MORC1: variants seen among roughly 807,000 people sequenced by gnomAD.
The protein encoded by MORC1 is MORC family CW-type zinc finger 1.
Under a neutral mutation model 134.9 loss-of-function variants are expected in MORC1, and 59 were observed. The ratio of observed to expected loss-of-function variants is 0.44; its 90% confidence interval spans 0.35 to 0.54. The LOEUF is 0.54. MORC1 is among the 20% of genes least tolerant of loss of function. The pLI, the probability that MORC1 is intolerant of heterozygous loss-of-function variation, is 0.00. For missense variants in MORC1, 947 were observed against 1,134.5 expected, an observed-to-expected ratio of 0.83 and a Z score of 2.37; for synonymous variants, 395 against 391.7, an observed-to-expected ratio of 1.01 and a Z score of -0.10.
intron 24 of MORC1, among the ~76,000 whole-genome samples, chr3:108,973,986 TTTGA>T (rs964995175): frequency 4.6e-5 from 7 of 152,254 alleles, no homozygotes; most frequent in African/African-American, 1.7e-4. Flanking sequence ...ATGGAAACTC[TTTGA>T]TTGAGGAATT....
intron 24 of MORC1, among the ~76,000 whole-genome samples, chr3:108,977,847 A>T (rs1409155846): frequency 6.6e-6 from 1 of 152,194 alleles, no homozygotes; most frequent in Non-Finnish European, 1.5e-5. Context: ...AAGCTACAGC[A>T]GTATAATACT....
At chr3:109,051,009 TC>T (rs1949810435) in intron 14 of MORC1, among the ~76,000 whole-genome samples, 1 of 152,202 alleles carries the variant, frequency 6.6e-6, no homozygotes, top group African/African-American at 2.4e-5. Context: ...CATTTGTTTC[TC>T]CCCACTTTTT....
At chr3:109,057,600 T>C (rs1250164786) in intron 12 of MORC1, 114 bp from the exon 13 acceptor site, 3 of 998,694 alleles carry the variant, frequency 3.0e-6, no homozygotes, top group Middle Eastern at 3.3e-4. Flanking sequence ...TATCCAAATA[T>C]TTTGCAAAAC....
Position 109,084,545 on chromosome 3 carries a change from G to A in MORC1, c.689+8891C>T, listed in dbSNP as rs913647039. ...TGGAGATATTCCTCACTCATGAATT[G>A]GAAGAATTAATGTTGTTAAATATTA... On this transcript the variant is annotated intron_variant, in intron 8 of 27. Transcript: ENST00000232603. Among the ~76,000 whole-genome samples the A allele has an allele frequency of 2.1e-4, 32 of 151,966 alleles. 1 individual carries two copies. The highest frequency in any genetic ancestry group is 7.4e-5 in the Non-Finnish European group (5 of 67,958).
At chr3:109,016,950 CCT>C (rs962583412) in intron 17 of MORC1, among the ~76,000 whole-genome samples, 3 of 152,170 alleles carry the variant, frequency 2.0e-5, no homozygotes, top group African/African-American at 7.2e-5. Context: ...CTGGCTTTTT[CCT>C]CTTACTCCAG....
At chr3:108,976,740 T>A (rs958997973) in intron 24 of MORC1, among the ~76,000 whole-genome samples, 43 of 152,312 alleles carry the variant, frequency 2.8e-4, no homozygotes, top group African/African-American at 9.4e-4. Flanking sequence ...TATTAACGCA[T>A]TCAGCTTTCA....
chr3:109,099,185 G>A (rs1308744445), intron 6 of MORC1, among the ~76,000 whole-genome samples, 173 bp downstream of exon 6: 1 of 152,158 alleles, frequency 6.6e-6, no homozygotes, highest in Non-Finnish European at 1.5e-5. Flanking sequence ...GGGTCAAGAG[G>A]ACAGGTCTTT....
Position 109,112,089 on chromosome 3 carries a change from T to C in MORC1, c.120-1306A>G, listed in dbSNP as rs138217590. Among the ~76,000 whole-genome samples, 283 of 152,358 alleles carry C rather than the reference T, an allele frequency of 1.9e-3. 3 individuals are homozygous for C. The highest frequency in any genetic ancestry group is 6.0e-3 in the African/African-American group (251 of 41,592). ...ATGTACACAATAAATGTTTAATAAA[T>C]GCCACTGTACTGAAATGTAAGTTTT... is the stretch of plus-strand genomic sequence containing the variant. On this transcript the variant is annotated intron_variant, in intron 2 of 27. Coordinates refer to ENST00000232603, the MANE Select transcript of MORC1 (RefSeq NM_014429.4).
chr3:108,959,973 C>A (rs1348226775), intron 27 of MORC1, among the ~76,000 whole-genome samples: 2 of 152,050 alleles, frequency 1.3e-5, no homozygotes, highest in East Asian at 3.9e-4. Context: ...GGGACAATGT[C>A]CCCAATGGAG....
rs767854087 is a variant in MORC1, at chr3:109,004,801, A to G, written c.2085+16T>C. ...ATATTTCTCCCTTAAATACAAATTT[A>G]AAAGCCTTTTCCCACCTGGGCATTC... On this transcript the variant is annotated intron_variant, in intron 20 of 27. Transcript: ENST00000232603. The G allele has an allele frequency of 6.2e-7, 1 of 1,609,486 alleles. No homozygotes were observed. The highest frequency in any genetic ancestry group is 1.1e-5 in the South Asian group (1 of 90,326).
intron 17 of MORC1, among the ~76,000 whole-genome samples, chr3:109,015,090 G>A (rs1948785859): frequency 6.6e-6 from 1 of 152,094 alleles, no homozygotes; most frequent in Non-Finnish European, 1.5e-5. Flanking sequence ...GTTTCACCAT[G>A]TTAGCCAGGT....
At chr3:109,082,090 C>G (rs1950531625) in intron 8 of MORC1, among the ~76,000 whole-genome samples, 2 of 152,206 alleles carry the variant, frequency 1.3e-5, no homozygotes, top group South Asian at 4.1e-4. Flanking sequence ...CCCTTGGGCA[C>G]AAACCCCCAG....
At chr3:108,998,437 C>T (rs1175402597) in intron 21 of MORC1, among the ~76,000 whole-genome samples, 2 of 152,120 alleles carry the variant, frequency 1.3e-5, no homozygotes, top group African/African-American at 4.8e-5. Flanking sequence ...ATAATAAATA[C>T]CACCTTTGGG....
intron 8 of MORC1, among the ~76,000 whole-genome samples, chr3:109,071,537 T>G (rs1576710052): frequency 6.6e-6 from 1 of 152,128 alleles, no homozygotes; most frequent in East Asian, 1.9e-4. Flanking sequence ...GACATCACAG[T>G]GCTGCAGTGA....
chr3:109,035,199 T>C, intron 15 of MORC1, 141 bp downstream of exon 15: 1 of 696,194 alleles, frequency 1.4e-6, no homozygotes, highest in Non-Finnish European at 2.3e-6. Context: ...TTTTCACACT[T>C]ATAACTTTCT....
chr3:109,031,835 T>A (rs1332152185), intron 16 of MORC1, among the ~76,000 whole-genome samples: 1 of 152,102 alleles, frequency 6.6e-6, no homozygotes, highest in African/African-American at 2.4e-5. Flanking sequence ...GACAAGTTTT[T>A]ATTTGGGAAA....
chr3:109,037,079 C>A (rs1949397051), intron 14 of MORC1, among the ~76,000 whole-genome samples: 1 of 152,190 alleles, frequency 6.6e-6, no homozygotes, highest in African/African-American at 2.4e-5. Context: ...TGCATTCTTA[C>A]AATTCACTGA....
intron 8 of MORC1, among the ~76,000 whole-genome samples, chr3:109,070,864 C>T (rs1341665841): frequency 4.6e-5 from 7 of 152,068 alleles, no homozygotes; most frequent in Admixed American, 4.6e-4. Context: ...ATTAAAAAGT[C>T]AGGAATTCAT....
chr3:109,098,400 C>T (rs1950866702), intron 6 of MORC1, among the ~76,000 whole-genome samples: 1 of 152,144 alleles, frequency 6.6e-6, no homozygotes, highest in Non-Finnish European at 1.5e-5. Context: ...ATCACTTTTC[C>T]TCAGGTCAGG....
Sources: gnomAD v4.1 joint callset for allele counts (sites outside exome capture counted in the v4.1 genomes callset) on GRCh38, gnomAD v4.1.1 for gene constraint, MANE v1.5 for transcripts, NCBI Gene and HGNC (gene_info 2026-07-23, HGNC 2026-07-21) for gene names.